The following PANK1 variants were observed in gnomAD, a reference collection of about 807,000 sequenced individuals.
PANK1 encodes the protein pantothenic acid kinase 1.
A neutral mutation model predicts 40.1 loss-of-function variants in PANK1; 18 were observed. The observed-to-expected ratio is 0.45, with a 90% CI of 0.31 to 0.67. PANK1 has a LOEUF of 0.67. Among genes scored for constraint, PANK1 ranks in the 30% least tolerant of loss-of-function variants. The pLI is 0.06. For missense variants in PANK1, 457 were observed against 599.6 expected (o/e 0.76, Z 2.48); for synonymous variants, 242 against 237.7 (o/e 1.02, Z -0.17).
Position 89,584,083 on chromosome 10 carries a change from C to A in PANK1, c.*323G>T. The stretch of plus-strand genomic sequence containing the variant: ...TAAACCCCAGAAGAAAAATGACCAG[C>A]GCTTACATATCAGGTCCTTCTTAAA... On this transcript the variant is annotated 3_prime_UTR_variant, in exon 7 of 7. Coordinates refer to ENST00000307534, the MANE Select transcript of PANK1 (RefSeq NM_148977.3). 1 of 230,830 alleles carries A rather than the reference C, an allele frequency of 4.3e-6. No homozygotes were observed. Among genetic ancestry groups the A allele is most frequent in the Non-Finnish European group, 8.5e-6 (1 of 118,332 alleles). 14.3% of individuals were successfully genotyped at this position (230,830 alleles called of 1,614,324 possible).
intron 2 of PANK1, among the ~76,000 whole-genome samples, chr10:89,606,827 C>A (rs747969153): frequency 8.5e-5 from 13 of 152,166 alleles, no homozygotes; most frequent in Non-Finnish European, 1.8e-4. Context: ...CCCCGCCTAC[C>A]TTTCAACTTT....
intron 1 of PANK1, among the ~76,000 whole-genome samples, chr10:89,638,026 C>T (rs985291334): frequency 2.6e-5 from 4 of 152,014 alleles, no homozygotes; most frequent in African/African-American, 4.8e-5. Flanking sequence ...ATCAATATCA[C>T]GGTCTTCCAC....
Position 89,595,836 on chromosome 10 carries a change from ATATATATATATATATATATATATAT to A in PANK1, c.900-1872_900-1848del, listed in dbSNP as rs1844573077. 6.5e-5 allele frequency among the ~76,000 whole-genome samples: 3 copies of A among 46,292 alleles called. 1 individual carries two copies. The South Asian group carries it at 2.1e-3, about 32-fold the overall frequency. 30.4% of individuals were successfully genotyped at this position (46,292 alleles called of 152,430 possible). Reference sequence around the variant, plus strand: ...CATCTTAAAAAAAAAAAAAAAAAATATATATATATATATATATATATATATATATATATATATAACTTCATTTACT... The same window carrying A: ...CATCTTAAAAAAAAAAAAAAAAAATAATATATATATATAACTTCATTTACT... On this transcript the variant is annotated intron_variant, in intron 3 of 6. Transcript: ENST00000307534.
rs1450842850 is a variant in PANK1 at position 89,614,058 on chromosome 10, C to T, written c.293-2010G>A. 2.0e-5 allele frequency: 9 copies of T among 456,260 alleles called. No homozygotes were observed. The East Asian group carries it at 2.1e-4, about 11-fold the overall frequency. The allele number at this position is 456,260 out of a possible 1,614,324, so 28.3% of individuals were successfully genotyped here. On this transcript the variant is annotated intron_variant, in intron 1 of 6. Transcript: ENST00000307534. ...ATACAAAAGAAAAATTGCAAGTAAC[C>T]CCAATCATAAAGTCTGACCAGAGTC...
intron 5 of PANK1, among the ~76,000 whole-genome samples, chr10:89,591,601 C>T (rs1021950417): frequency 9.2e-5 from 14 of 152,176 alleles, no homozygotes; most frequent in Non-Finnish European, 5.9e-5. Context: ...CTGGTGCGGC[C>T]ACTGGGAGTC....
chr10:89,644,548 C>T lies in PANK1; in HGVS notation c.292+52G>A, dbSNP rs1002974542. 8.6e-6 allele frequency: 13 copies of T among 1,511,392 alleles called. No individual in the cohort carries two copies. The Admixed American group carries it at 9.1e-5, about 11-fold the overall frequency. 93.6% of individuals were successfully genotyped at this position (1,511,392 alleles called of 1,614,324 possible). On this transcript the variant is annotated intron_variant, in intron 1 of 6. Transcript: ENST00000307534. ...GCCTCAGCCGCTCCCAGTCCCGGGC[C>T]CCGCACGCTGCGTCTGCCTTGCGCC...
intron 3 of PANK1, among the ~76,000 whole-genome samples, chr10:89,595,832 AAATAT>A (rs1231485551): frequency 6.5e-4 from 37 of 56,548 alleles, no homozygotes; most frequent in African/African-American, 3.3e-3. Flanking sequence ...AAAAAAAAAA[AAATAT>A]ATATATATAT....
At chr10:89,593,451 T>G in intron 4 of PANK1, 131 bp from the exon 5 acceptor site, 1 of 1,015,796 alleles carries the variant, frequency 9.8e-7, no homozygotes, top group Non-Finnish European at 1.4e-6. Context: ...TACTATGGTT[T>G]ATAAGCAGAC....
Position 89,644,747 on chromosome 10 carries a change from C to T in PANK1, c.145G>A (p.Gly49Ser). The change falls in exon 1 of 7, where the codon GGT becomes AGT. Residue 49 changes from glycine to serine, a missense_variant. Transcript: ENST00000307534. ...GCCGCGTCGCTGCCGCCCACTGGAC[C>T]CCGGCTGCAGACGTGCGGCGGCTGG... ...PVQPPHVCSR[G>S]PVGGSDAAPQ... 1 of 1,521,294 alleles carries T rather than the reference C, an allele frequency of 6.6e-7. No homozygotes were observed. Among genetic ancestry groups the T allele is most frequent in the South Asian group, 1.2e-5 (1 of 82,782 alleles). The allele number at this position is 1,521,294 out of a possible 1,614,324, so 94.2% of individuals were successfully genotyped here. A position where few individuals can be genotyped will look rare whatever the true frequency, so the allele number is the denominator to read the frequency against.
intron 3 of PANK1, among the ~76,000 whole-genome samples, chr10:89,597,608 C>T (rs1173249660): frequency 7.9e-5 from 12 of 152,164 alleles, no homozygotes; most frequent in Admixed American, 4.6e-4. Context: ...CCCAGATCTG[C>T]GGAGCCTCCA....
At chr10:89,631,079 G>A (rs543794474) in intron 1 of PANK1, among the ~76,000 whole-genome samples, 2 of 152,272 alleles carry the variant, frequency 1.3e-5, no homozygotes, top group African/African-American at 4.8e-5. Flanking sequence ...CCAAATGCCT[G>A]TACACCATTA....
At chr10:89,603,572 A>C (rs1248872037) in intron 2 of PANK1, among the ~76,000 whole-genome samples, 1 of 152,148 alleles carries the variant, frequency 6.6e-6, no homozygotes, top group African/African-American at 2.4e-5. Flanking sequence ...TCAGTGGGTT[A>C]AGTTACCTAC....
At chr10:89,580,314 G>T (rs1193256341), downstream of PANK1, 1 of 152,212 alleles carries the variant, frequency 6.6e-6, no homozygotes, top group Admixed American at 6.5e-5. Flanking sequence ...AGAGCATTTT[G>T]CTTTACCACT....
At chr10:89,620,729 C>T (rs1845457388) in intron 1 of PANK1, among the ~76,000 whole-genome samples, 1 of 152,286 alleles carries the variant, frequency 6.6e-6, no homozygotes, top group African/African-American at 2.4e-5. Flanking sequence ...ACCCCCTTCC[C>T]CTTTTGAAAC....
At chr10:89,628,538 A>C (rs1280586864) in intron 1 of PANK1, among the ~76,000 whole-genome samples, 1 of 152,200 alleles carries the variant, frequency 6.6e-6, no homozygotes, top group Non-Finnish European at 1.5e-5. Flanking sequence ...GGGGAAAAAG[A>C]GGAGTGACTG....
intron 6 of PANK1, among the ~76,000 whole-genome samples, chr10:89,587,570 T>G (rs1844232689): frequency 6.8e-6 from 1 of 147,204 alleles, no homozygotes; most frequent in South Asian, 2.2e-4. Flanking sequence ...TAATCCACTT[T>G]AAGGAAACAA....
Position 89,611,831 on chromosome 10 carries a change from C to G in PANK1, c.510G>C (p.Leu170=), listed in dbSNP as rs1845163452. ...CACAGCTGGGAAAGCGGATGAAGTG[C>G]AGGTTCCCTTTGCGTCCACACATGG... is the stretch of plus-strand genomic sequence containing the variant. ...NLTMCGRKGN[L]HFIRFPSCAM... is the part of the protein sequence containing the mutation. Residue 170 remains leucine, a synonymous_variant, in exon 2 of 7, where the codon CTG becomes CTC. Transcript: ENST00000307534. 2 of 1,614,098 alleles carry G rather than the reference C, an allele frequency of 1.2e-6. No homozygotes were observed. Among genetic ancestry groups the G allele is most frequent in the African/African-American group, 2.7e-5 (2 of 74,934 alleles).
intron 1 of PANK1, among the ~76,000 whole-genome samples, chr10:89,638,298 T>C (rs1178990791): frequency 6.6e-6 from 1 of 152,254 alleles, no homozygotes; most frequent in Non-Finnish European, 1.5e-5. Context: ...CTGTATTTCC[T>C]TCTCCGAGGT....
At chr10:89,643,812 C>T (rs1388197675) in intron 1 of PANK1, 3 of 1,603,456 alleles carry the variant, frequency 1.9e-6, no homozygotes, top group Non-Finnish European at 2.6e-6. Flanking sequence ...TTACATCCCA[C>T]AGCGTCCTGT....
Sources: allele counts gnomAD v4.1 joint callset (sites outside exome capture counted in the v4.1 genomes callset), GRCh38; gene constraint gnomAD v4.1.1; transcripts MANE v1.5; gene names NCBI Gene and HGNC (gene_info 2026-07-23, HGNC 2026-07-21).